Variants in SYT2 observed in about 807,000 individuals in gnomAD.
SYT2 encodes the protein synaptotagmin-2.
Under a neutral mutation model 39.9 loss-of-function variants are expected in SYT2, and 15 were observed. The ratio of observed to expected loss-of-function variants is 0.38; its 90% CI spans 0.25 to 0.58. The LOEUF (loss-of-function observed/expected upper bound fraction) is 0.58. Ranked by LOEUF, SYT2 falls within the 20% of genes least tolerant of loss-of-function variation. The probability of loss-of-function intolerance (pLI) is 0.70; values close to 1 mark genes in which losing one functional copy is unlikely to be tolerated. For synonymous variants in SYT2, 181 were observed against 204.5 expected, an observed-to-expected ratio of 0.89 and a Z score of 0.98; for missense variants, 389 against 530.3, an observed-to-expected ratio of 0.73 and a Z score of 2.62.
intron 1 of SYT2, among the ~76,000 whole-genome samples, chr1:202,665,186 A>C (rs1045230090): frequency 4.6e-5 from 7 of 152,332 alleles, no homozygotes; most frequent in Admixed American, 3.3e-4. Context: ...CCCTGGGATG[A>C]AAGTGATGAG....
chr1:202,709,731 A>G (rs1251766687), intron 1 of SYT2, among the ~76,000 whole-genome samples: 1 of 151,524 alleles, frequency 6.6e-6, no homozygotes, highest in Non-Finnish European at 1.5e-5. Flanking sequence ...TGTCTCCCCA[A>G]CCTCTCCCTG....
chr1:202,669,326 C>T (rs375682418), intron 1 of SYT2, among the ~76,000 whole-genome samples: 4 of 151,508 alleles, frequency 2.6e-5, no homozygotes, highest in Admixed American at 1.3e-4. Context: ...TTGGGACCAA[C>T]GGGGCAACAT....
At chr1:202,644,075 G>T (rs555602985) in intron 1 of SYT2, among the ~76,000 whole-genome samples, 1 of 152,216 alleles carries the variant, frequency 6.6e-6, no homozygotes, top group Admixed American at 6.5e-5. Flanking sequence ...TGCTGGAGGG[G>T]AAGGGGAGCT....
At chr1:202,709,292 G>T (rs1366747309) in intron 1 of SYT2, among the ~76,000 whole-genome samples, 1 of 152,186 alleles carries the variant, frequency 6.6e-6, no homozygotes, top group African/African-American at 2.4e-5. Context: ...GGAGGACACT[G>T]CCCTGCCAGG....
chr1:202,652,560 C>A (rs1692212533), intron 1 of SYT2, among the ~76,000 whole-genome samples: 1 of 152,142 alleles, frequency 6.6e-6, no homozygotes, highest in African/African-American at 2.4e-5. Flanking sequence ...ACCTGGGGAC[C>A]AAAGCAGGAG....
intron 1 of SYT2, among the ~76,000 whole-genome samples, chr1:202,611,433 C>A (rs1196333731): frequency 6.6e-6 from 1 of 152,168 alleles, no homozygotes; most frequent in Non-Finnish European, 1.5e-5. Context: ...CTCACTGCCA[C>A]CTCCACCTCC....
chr1:202,624,059 C>T (rs1202975380), intron 1 of SYT2, among the ~76,000 whole-genome samples: 1 of 152,210 alleles, frequency 6.6e-6, no homozygotes, highest in East Asian at 1.9e-4. Context: ...CCGATCACCG[C>T]CCCTCTAAGG....
intron 1 of SYT2, among the ~76,000 whole-genome samples, chr1:202,674,508 T>C (rs572050897): frequency 4.6e-5 from 7 of 152,308 alleles, no homozygotes; most frequent in African/African-American, 1.7e-4. Context: ...ATGTGATATG[T>C]ACACATGTGT....
chr1:202,708,167 C>G (rs17442900), intron 1 of SYT2, among the ~76,000 whole-genome samples: 8,155 of 152,136 alleles, frequency 0.054, 416 homozygotes, highest in East Asian at 0.17. Flanking sequence ...TTTGCTTCCC[C>G]TGGTCCTGTT....
intron 1 of SYT2, among the ~76,000 whole-genome samples, chr1:202,618,715 C>A (rs564470738): frequency 6.6e-6 from 1 of 152,142 alleles, no homozygotes; most frequent in Non-Finnish European, 1.5e-5. Context: ...CACATCTGCT[C>A]AGCATGTAGA....
intron 1 of SYT2, among the ~76,000 whole-genome samples, chr1:202,691,931 A>AAGGAC (rs1476746818): frequency 6.6e-6 from 1 of 152,026 alleles, no homozygotes; most frequent in Admixed American, 6.5e-5. Flanking sequence ...ACAGGCATAC[A>AAGGAC]AGGACACAGC....
chr1:202,606,567 C>T (rs1690716459), intron 1 of SYT2, among the ~76,000 whole-genome samples: 1 of 152,146 alleles, frequency 6.6e-6, no homozygotes, highest in Non-Finnish European at 1.5e-5. Flanking sequence ...TCCCTCAGTG[C>T]CCACTCAGGG....
At chr1:202,604,351 G>T in intron 3 of SYT2, 104 bp downstream of exon 3, 1 of 1,150,510 alleles carries the variant, frequency 8.7e-7, no homozygotes, top group Non-Finnish European at 1.3e-6. Context: ...AAGGAGGGGA[G>T]CAGGTTTGGC....
intron 1 of SYT2, among the ~76,000 whole-genome samples, chr1:202,682,634 C>T (rs1310965759): frequency 3.3e-5 from 5 of 152,060 alleles, no homozygotes; most frequent in African/African-American, 9.7e-5. Flanking sequence ...GGAGCGGATT[C>T]GGGCCTGGGT....
At chr1:202,613,403 T>C (rs1278058403) in intron 1 of SYT2, among the ~76,000 whole-genome samples, 1 of 151,920 alleles carries the variant, frequency 6.6e-6, no homozygotes, top group Non-Finnish European at 1.5e-5. Flanking sequence ...TTCTAATAAT[T>C]TGTGTGTGTG....
intron 4 of SYT2, 69 bp downstream of exon 4, chr1:202,602,930 A>T: frequency 1.2e-5 from 18 of 1,499,462 alleles, no homozygotes; most frequent in Admixed American, 1.7e-5. Context: ...AGCTGTTTCT[A>T]TCCCCCTTCC....
intron 1 of SYT2, among the ~76,000 whole-genome samples, chr1:202,695,796 A>G (rs1197179989): frequency 6.6e-6 from 1 of 152,168 alleles, no homozygotes; most frequent in Non-Finnish European, 1.5e-5. Flanking sequence ...TCCCACTGAA[A>G]GGCTCTTTCT....
intron 1 of SYT2, among the ~76,000 whole-genome samples, chr1:202,629,878 G>GC (rs1553338298): frequency 0.036 from 4,317 of 119,354 alleles, 682 homozygotes; most frequent in African/African-American, 0.13. Flanking sequence ...GGGGGGGGGG[G>GC]GGTGGTACGG....
intron 1 of SYT2, among the ~76,000 whole-genome samples, chr1:202,615,490 C>T (rs1278403736): frequency 6.6e-6 from 1 of 152,198 alleles, no homozygotes; most frequent in African/African-American, 2.4e-5. Flanking sequence ...TGGCCACTTT[C>T]CACCCTCCAG....
Sources: gnomAD v4.1 joint callset for allele counts (sites outside exome capture counted in the v4.1 genomes callset) on GRCh38, gnomAD v4.1.1 for gene constraint, MANE v1.5 for transcripts, NCBI Gene and HGNC (gene_info 2026-07-23, HGNC 2026-07-21) for gene names.